ZNF507: variants seen among roughly 807,000 people sequenced by gnomAD.
ZNF507 encodes zinc finger protein 507.
In ZNF507, 29 loss-of-function variants were observed where a neutral mutation model predicts 80.0. The observed-to-expected ratio is 0.36, with a 90% CI of 0.27 to 0.49. The LOEUF is 0.49. ZNF507 is among the 20% of genes least tolerant of loss of function. The pLI, the probability that ZNF507 is intolerant of heterozygous loss-of-function variation, is 0.98. For synonymous variants in ZNF507, 462 were observed against 422.5 expected (o/e 1.09, Z -1.15); for missense variants, 1,081 against 1,152.2 (o/e 0.94, Z 0.90).
At chr19:32,356,253 G>T (rs563633166) in intron 3 of ZNF507, among the ~76,000 whole-genome samples, 1 of 152,170 alleles carries the variant, frequency 6.6e-6, no homozygotes, top group African/African-American at 2.4e-5. Flanking sequence ...TAGGAGTCTG[G>T]TGATTACTGA....
intron 5 of ZNF507, among the ~76,000 whole-genome samples, chr19:32,368,125 A>G (rs1303541874): frequency 1.3e-5 from 2 of 152,160 alleles, no homozygotes; most frequent in African/African-American, 2.4e-5. Context: ...AGATCTCTTT[A>G]TGAAGTGTAC....
intron 5 of ZNF507, among the ~76,000 whole-genome samples, chr19:32,367,815 T>C (rs1967418840): frequency 1.3e-5 from 2 of 152,192 alleles, no homozygotes; most frequent in African/African-American, 2.4e-5. Context: ...TAAGGTTGTC[T>C]CTCAGTGTAG....
At chr19:32,357,214 A>G (rs1897519959) in intron 4 of ZNF507, 1 of 152,566 alleles carries the variant, frequency 6.6e-6, no homozygotes, top group Non-Finnish European at 1.5e-5. Flanking sequence ...AAGCACACAC[A>G]CAGACACACA....
At position 32,387,628 on chromosome 19, in the gene ZNF507, G is replaced by A. The variant is rs546296370; in HGVS notation, c.*4545G>A. 1.9e-4 allele frequency: 29 copies of A among 152,310 alleles called. No individual in the cohort carries two copies. The highest frequency in any genetic ancestry group is 7.0e-4 in the African/African-American group (29 of 41,566). 9.4% of individuals were successfully genotyped at this position (152,310 alleles called of 1,614,324 possible). ...TAACAGTTTTTTATATTGATTACAT[G>A]TTGAAATGATATTTTGGTTTAAATA... On this transcript the variant is annotated 3_prime_UTR_variant, in exon 7 of 7. Transcript: ENST00000355898.
intron 5 of ZNF507, among the ~76,000 whole-genome samples, chr19:32,366,447 T>C (rs1183406420): frequency 6.6e-6 from 1 of 152,164 alleles, no homozygotes; most frequent in Admixed American, 6.5e-5. Flanking sequence ...CTGAACTTAA[T>C]AAAAATGGAA....
chr19:32,368,047 TCAGAGCCGGGG>T (rs1967422367), intron 5 of ZNF507, among the ~76,000 whole-genome samples: 1 of 152,120 alleles, frequency 6.6e-6, no homozygotes, highest in Non-Finnish European at 1.5e-5. Flanking sequence ...TCCCCATGTC[TCAGAGCCGGGG>T]CCTGAACTCT....
At chr19:32,365,904 A>G (rs1337865459) in intron 5 of ZNF507, among the ~76,000 whole-genome samples, 1 of 152,198 alleles carries the variant, frequency 6.6e-6, no homozygotes, top group African/African-American at 2.4e-5. Context: ...ATAGTTGTCC[A>G]TATCCCTCAG....
At chr19:32,356,534 C>G (rs1967254488) in intron 3 of ZNF507, 82 bp from the exon 4 acceptor site, 1 of 929,936 alleles carries the variant, frequency 1.1e-6, no homozygotes. Context: ...GCCATGAAAG[C>G]AATGAACCTG....
At chr19:32,371,749 C>T (rs1967476666) in intron 5 of ZNF507, among the ~76,000 whole-genome samples, 1 of 151,056 alleles carries the variant, frequency 6.6e-6, no homozygotes, top group African/African-American at 2.4e-5. Flanking sequence ...ACGCCATTCT[C>T]CTGCCTCAGC....
At chr19:32,382,441 T>C in intron 5 of ZNF507, 26 bp from the exon 6 acceptor site, 1 of 1,610,748 alleles carries the variant, frequency 6.2e-7, no homozygotes, top group Non-Finnish European at 8.5e-7. Flanking sequence ...ACCGTTCTGA[T>C]TTTCCCTTGC....
rs780010984 is a variant in ZNF507, at chr19:32,354,411, T to C, written c.1581T>C (p.Asp527=). ...GAGATATAAACCTTTTAGATCCAGA[T>C]ACTAGTCAAAGGCAAGTAGATAGTA... ...HYGDINLLDP[D]TSQRQVDSTL... Residue 527 remains aspartate (D), a synonymous_variant, in exon 3 of 7, where the codon GAT becomes GAC. Coordinates refer to ENST00000355898, the MANE Select transcript of ZNF507 (RefSeq NM_001136156.2). The C allele has an allele frequency of 6.2e-7, 1 of 1,614,170 alleles. No homozygotes were observed. Among genetic ancestry groups the C allele is most frequent in the Admixed American group, 1.7e-5 (1 of 60,026 alleles).
intron 5 of ZNF507, among the ~76,000 whole-genome samples, chr19:32,365,650 C>T (rs908927103): frequency 1.3e-5 from 2 of 152,128 alleles, no homozygotes; most frequent in African/African-American, 4.8e-5. Context: ...ATTTACATCT[C>T]CCAGTACCAC....
At chr19:32,380,044 C>T (rs920482682) in intron 5 of ZNF507, among the ~76,000 whole-genome samples, 5 of 152,156 alleles carry the variant, frequency 3.3e-5, no homozygotes, top group Non-Finnish European at 5.9e-5. Context: ...CATTTTTCCA[C>T]ATCTGTGAAA....
At chr19:32,355,510 CT>C (rs2145319368) in intron 3 of ZNF507, among the ~76,000 whole-genome samples, 1 of 152,238 alleles carries the variant, frequency 6.6e-6, no homozygotes, top group South Asian at 2.1e-4. Context: ...GGGTAAAGAA[CT>C]TTCAAGAGTT....
rs750987529 is a variant in ZNF507 at position 32,354,242 on chromosome 19, G to A, written c.1412G>A (p.Gly471Asp). 4 of 1,614,066 alleles carry A rather than the reference G, an allele frequency of 2.5e-6. No individual in the cohort carries two copies. The South Asian group carries it at 3.3e-5, about 13-fold the overall frequency. The change falls in exon 3 of 7, where the codon GGC (glycine) becomes GAC (aspartate). Residue 471 changes from glycine (G) to aspartate (D), a missense_variant. Coordinates refer to ENST00000355898, the MANE Select transcript of ZNF507 (RefSeq NM_001136156.2). ...SEKKDELMNKGLATDENAPPG... is the reference protein window; with the variant it reads ...SEKKDELMNKDLATDENAPPG... ...AAAAAAGACGAGTTAATGAATAAAGGCCTGGCTACTGATGAGAATGCCCCA... is the reference window on the plus strand; with the variant it reads ...AAAAAAGACGAGTTAATGAATAAAGACCTGGCTACTGATGAGAATGCCCCA...
intron 5 of ZNF507, among the ~76,000 whole-genome samples, chr19:32,374,155 C>T (rs1315183699): frequency 8.0e-6 from 1 of 125,530 alleles, no homozygotes; most frequent in Non-Finnish European, 1.7e-5. Context: ...AGCTCGGAAC[C>T]GTGCAAAGCA....
In ZNF507 at chr19:32,354,892, A is replaced by G. The variant is rs763164497; in HGVS notation, c.2062A>G (p.Met688Val). ...ADNSKDLESH[M>V]IHHCKTRIYQ... ...CAACAGCAAAGATTTGGAGAGTCACATGATCCACCACTGTAAGACAAGAAT... is the reference window on the plus strand; with the variant it reads ...CAACAGCAAAGATTTGGAGAGTCACGTGATCCACCACTGTAAGACAAGAAT... The change falls in exon 3 of 7, where the codon ATG becomes GTG. Residue 688 changes from methionine (M) to valine (V), a missense_variant. Physicochemically the swap from Met to Val is conservative, Grantham distance 21 (BLOSUM62 1). Coordinates refer to ENST00000355898, the MANE Select transcript of ZNF507 (RefSeq NM_001136156.2). 18 of 1,614,200 alleles carry G rather than the reference A, an allele frequency of 1.1e-5. No individual in the cohort carries two copies. Among genetic ancestry groups the G allele is most frequent in the Non-Finnish European group, 1.5e-5 (18 of 1,180,026 alleles).
At chr19:32,345,826 G>C (rs1967089117) in intron 1 of ZNF507, 43 bp downstream of exon 1, 1 of 153,470 alleles carries the variant, frequency 6.5e-6, no homozygotes, top group South Asian at 1.9e-4. Context: ...TGTTAGCGCC[G>C]CCGCCGGCCA....
At chr19:32,372,464 C>A (rs758034472) in intron 5 of ZNF507, among the ~76,000 whole-genome samples, 18 of 152,124 alleles carry the variant, frequency 1.2e-4, no homozygotes, top group Non-Finnish European at 2.4e-4. Flanking sequence ...AGATCACCCA[C>A]AACGCTCCAC....
Sources: gnomAD v4.1 joint callset for allele counts (sites outside exome capture counted in the v4.1 genomes callset) on GRCh38, gnomAD v4.1.1 for gene constraint, MANE v1.5 for transcripts, NCBI Gene and HGNC (gene_info 2026-07-23, HGNC 2026-07-21) for gene names.